LUC7L3: variants seen among roughly 807,000 people sequenced by gnomAD.
The protein encoded by LUC7L3 is LUC7 like 3 pre-mRNA splicing factor, also known as luc7-like protein 3.
A neutral mutation model predicts 66.8 loss-of-function variants in LUC7L3; 6 were observed. The ratio of observed to expected loss-of-function variants is 0.09; its 90% CI spans 0.05 to 0.18. LUC7L3 has a LOEUF of 0.18. LUC7L3 is among the 10% of genes least tolerant of loss of function. The pLI, the probability that LUC7L3 is intolerant of heterozygous loss-of-function variation, is 1.00. For synonymous variants in LUC7L3, 160 were observed against 174.7 expected, an observed-to-expected ratio of 0.92 and a Z score of 0.66; for missense variants, 341 against 531.1, an observed-to-expected ratio of 0.64 and a Z score of 3.52.
intron 8 of LUC7L3, 93 bp from the exon 9 acceptor site, chr17:50,746,447 GTT>G (rs1425548065): frequency 1.6e-5 from 17 of 1,091,780 alleles, no homozygotes; most frequent in Non-Finnish European, 2.3e-5. Flanking sequence ...TAGAGGGTAA[GTT>G]TTGCCTAGTC....
intron 1 of LUC7L3, among the ~76,000 whole-genome samples, chr17:50,733,997 C>G (rs1969815148): frequency 6.6e-6 from 1 of 151,992 alleles, no homozygotes; most frequent in South Asian, 2.1e-4. Flanking sequence ...AAAGTGAACA[C>G]AAAGTTGAAC....
intron 9 of LUC7L3, among the ~76,000 whole-genome samples, chr17:50,747,240 TTTTTTTTG>T (rs1285858346): frequency 4.4e-5 from 4 of 90,866 alleles, no homozygotes; most frequent in African/African-American, 2.5e-4. Context: ...TTCTTTTTTT[TTTTTTTTG>T]GTGTGGCATC....
In LUC7L3 at chr17:50,729,896, T is replaced by TTTTATA. The variant is rs1353844154; in HGVS notation, c.100-7063_100-7062insTTATAT. 1.0e-3 allele frequency among the ~76,000 whole-genome samples: 68 copies of TTTTATA among 65,568 alleles called. 3 individuals carry two copies. The highest frequency in any genetic ancestry group is 1.6e-3 in the African/African-American group (25 of 15,774). The allele number at this position is 65,568 out of a possible 152,430, so 43.0% of individuals were successfully genotyped here. On this transcript the variant is annotated intron_variant, in intron 1 of 9. Coordinates refer to ENST00000505658, the MANE Select transcript of LUC7L3 (RefSeq NM_016424.5). The stretch of plus-strand genomic sequence containing the variant: ...GAAGTATATATTGAATATAAATACA[T>TTTTATA]TATATATATATATATATATATATAT...
chr17:50,735,370 G>GA (rs985008378), intron 1 of LUC7L3, among the ~76,000 whole-genome samples: 25 of 151,646 alleles, frequency 1.6e-4, no homozygotes, highest in Middle Eastern at 3.4e-3. Flanking sequence ...AGCCGTTGAG[G>GA]AAAAAAAAGG....
At chr17:50,731,662 A>T (rs1021574660) in intron 1 of LUC7L3, among the ~76,000 whole-genome samples, 1 of 152,214 alleles carries the variant, frequency 6.6e-6, no homozygotes, top group Admixed American at 6.5e-5. Context: ...TAAATGGTAA[A>T]GCAGGAGAGT....
intron 5 of LUC7L3, among the ~76,000 whole-genome samples, chr17:50,742,516 C>A (rs186315654): frequency 2.6e-3 from 397 of 152,126 alleles, no homozygotes; most frequent in African/African-American, 8.8e-3. Flanking sequence ...GCGCCACCAT[C>A]CCCGGCTGAT....
chr17:50,741,789 A>G, intron 5 of LUC7L3, 58 bp downstream of exon 5: 1 of 1,343,892 alleles, frequency 7.4e-7, no homozygotes, highest in Non-Finnish European at 1.1e-6. Flanking sequence ...GTAACCAGCA[A>G]AAATACAAGG....
chr17:50,750,896 C>G lies in LUC7L3; in HGVS notation c.*235C>G. On this transcript the variant is annotated 3_prime_UTR_variant, in exon 10 of 10. Transcript: ENST00000505658. ...GCTATTTTGTAGCAGACTCGTGCCC[C>G]CATTAGTGTGCCTCTTTGGAAATTA... 6.5e-7 allele frequency: 1 copy of G among 1,535,988 alleles called. No homozygotes were observed. Among genetic ancestry groups the G allele is most frequent in the Non-Finnish European group, 8.7e-7 (1 of 1,146,826 alleles).
At chr17:50,720,370 A>G (rs1968665125) in intron 1 of LUC7L3, among the ~76,000 whole-genome samples, 1 of 152,250 alleles carries the variant, frequency 6.6e-6, no homozygotes, top group African/African-American at 2.4e-5. Flanking sequence ...ACAGTATTCT[A>G]AGAAGTCCCT....
intron 1 of LUC7L3, among the ~76,000 whole-genome samples, chr17:50,736,291 A>G (rs1018002977): frequency 1.3e-5 from 2 of 152,280 alleles, no homozygotes; most frequent in Admixed American, 1.3e-4. Context: ...AAGGAGTTAC[A>G]AAAGTACCAG....
chr17:50,738,830 A>G (rs1970161624), intron 2 of LUC7L3, among the ~76,000 whole-genome samples: 1 of 152,054 alleles, frequency 6.6e-6, no homozygotes, highest in Non-Finnish European at 1.5e-5. Context: ...AGGTCCTACA[A>G]GTGATCAGGA....
Position 50,752,260 on chromosome 17 carries a change from T to G in LUC7L3, c.*1599T>G, listed in dbSNP as rs1971010150. 1.6e-6 allele frequency: 2 copies of G among 1,273,428 alleles called. No homozygotes were observed. The highest frequency in any genetic ancestry group is 2.0e-6 in the Non-Finnish European group (2 of 978,858). 78.9% of individuals were successfully genotyped at this position (1,273,428 alleles called of 1,614,324 possible). A position where few individuals can be genotyped will look rare whatever the true frequency, so the allele number is the denominator to read the frequency against. The stretch of plus-strand genomic sequence containing the variant: ...AACGGCATAAAGTGAAGATCGACAT[T>G]TAAAAAATGAGGTGAAAGAAAGCTA... On this transcript the variant is annotated 3_prime_UTR_variant, in exon 10 of 10. Coordinates refer to ENST00000505658, the MANE Select transcript of LUC7L3 (RefSeq NM_016424.5).
At position 50,751,449 on chromosome 17, in the gene LUC7L3, T is replaced by C; in HGVS notation, c.*788T>C. The C allele has an allele frequency of 1.6e-6, 2 of 1,254,342 alleles. No homozygotes were observed. The highest frequency in any genetic ancestry group is 2.6e-5 in the South Asian group (2 of 76,812). The allele number at this position is 1,254,342 out of a possible 1,614,324, so 77.7% of individuals were successfully genotyped here. ...TCTTTACGCTTAACTGTTGTGTATC[T>C]TTTTTGTTCTTTACAAGAAGTGCAG... On this transcript the variant is annotated 3_prime_UTR_variant, in exon 10 of 10. Coordinates refer to ENST00000505658, the MANE Select transcript of LUC7L3 (RefSeq NM_016424.5).
At chr17:50,740,407 G>A in intron 3 of LUC7L3, 62 bp downstream of exon 3, 1 of 1,439,594 alleles carries the variant, frequency 6.9e-7, no homozygotes, top group Non-Finnish European at 9.6e-7. Context: ...GTGGGACAAG[G>A]GTTGAGGAAT....
At chr17:50,721,768 C>G (rs1354051191) in intron 1 of LUC7L3, among the ~76,000 whole-genome samples, 1 of 152,102 alleles carries the variant, frequency 6.6e-6, no homozygotes, top group African/African-American at 2.4e-5. Flanking sequence ...ATGGGCAAAC[C>G]CATTATATGC....
At chr17:50,735,477 G>A (rs988506609) in intron 1 of LUC7L3, among the ~76,000 whole-genome samples, 23 of 151,124 alleles carry the variant, frequency 1.5e-4, no homozygotes, top group Middle Eastern at 6.8e-3. Flanking sequence ...TTTCCTTTTC[G>A]TTTTCCTTTT....
chr17:50,749,182 G>T, intron 9 of LUC7L3: 1 of 1,280,314 alleles, frequency 7.8e-7, no homozygotes, highest in Non-Finnish European at 1.0e-6. Flanking sequence ...AATTGTGGAT[G>T]TCCTTAGGAC....
At chr17:50,745,466 A>T (rs1373715212) in intron 7 of LUC7L3, among the ~76,000 whole-genome samples, 1 of 152,148 alleles carries the variant, frequency 6.6e-6, no homozygotes, top group African/African-American at 2.4e-5. Flanking sequence ...GAGTTCTGTG[A>T]AATTTTGCTA....
rs1234430818 is a variant in LUC7L3 at position 50,747,825 on chromosome 17, A to G, written c.1138+1123A>G. On this transcript the variant is annotated intron_variant, in intron 9 of 9. Transcript: ENST00000505658. ...ACTGTAATGTGAGAAAGTGTTGAAA[A>G]CTTTTGTCTTCCTGCCAGATGTGCT... Among the ~76,000 whole-genome samples the G allele has an allele frequency of 5.9e-5, 9 of 152,210 alleles. No homozygotes were observed. The East Asian group carries it at 1.7e-3, about 29-fold the overall frequency.
Sources: gnomAD v4.1 joint callset for allele counts (sites outside exome capture counted in the v4.1 genomes callset) on GRCh38, gnomAD v4.1.1 for gene constraint, MANE v1.5 for transcripts, NCBI Gene and HGNC (gene_info 2026-07-23, HGNC 2026-07-21) for gene names.